The following AQR variants were observed in gnomAD, a reference collection of about 807,000 sequenced individuals.
AQR encodes RNA helicase aquarius.
AQR carries 61 observed loss-of-function variants against 180.5 expected under a neutral mutation model. The ratio of observed to expected loss-of-function variants is 0.34; its 90% CI spans 0.28 to 0.42. AQR has a LOEUF of 0.42. Among genes scored for constraint, AQR ranks in the 10% least tolerant of loss-of-function variants. The pLI, the probability that AQR is intolerant of heterozygous loss-of-function variation, is 1.00. For missense variants in AQR, 1,281 were observed against 1,798.3 expected, an observed-to-expected ratio of 0.71 and a Z score of 5.20; for synonymous variants, 551 against 588.8, an observed-to-expected ratio of 0.94 and a Z score of 0.93.
chr15:34,858,290 AT>A lies in AQR; in HGVS notation c.4144-1185del, dbSNP rs1316563765. Reference sequence around the variant, plus strand: ...TAAGCCACCGCGCCTGGCCTTTAAGATTTTTAAAAAGTACCGTGCACGACAG... The same window carrying A: ...TAAGCCACCGCGCCTGGCCTTTAAGATTTTAAAAAGTACCGTGCACGACAG... On this transcript the variant is annotated intron_variant, in intron 34 of 34. Coordinates refer to ENST00000156471, the MANE Select transcript of AQR (RefSeq NM_014691.3). Among the ~76,000 whole-genome samples, 7 of 146,094 alleles carry A rather than the reference AT, an allele frequency of 4.8e-5. No individual in the cohort carries two copies. The East Asian group carries it at 1.5e-3, about 31-fold the overall frequency.
chr15:34,924,713 G>A (rs973628571), intron 13 of AQR, among the ~76,000 whole-genome samples: 2 of 152,068 alleles, frequency 1.3e-5, no homozygotes, highest in African/African-American at 4.8e-5. Flanking sequence ...TTATAGGCGT[G>A]AGCTACCACA....
chr15:34,896,809 A>T, intron 22 of AQR, 88 bp downstream of exon 22: 1 of 1,160,518 alleles, frequency 8.6e-7, no homozygotes. Context: ...AGATCGCGCC[A>T]CTGCACTCCG....
At chr15:34,919,820 C>T (rs958315681) in intron 14 of AQR, among the ~76,000 whole-genome samples, 18 of 151,932 alleles carry the variant, frequency 1.2e-4, no homozygotes, top group Non-Finnish European at 4.4e-5. Flanking sequence ...ATCACTTGAA[C>T]CTGGGAGGCA....
chr15:34,882,528 G>T lies in AQR; in HGVS notation c.3139C>A (p.His1047Asn). The T allele has an allele frequency of 6.3e-7, 1 of 1,586,908 alleles. No homozygotes were observed. Among genetic ancestry groups the T allele is most frequent in the South Asian group, 1.2e-5 (1 of 85,584 alleles). Residue 1047 changes from histidine to asparagine, a missense_variant, in exon 27 of 35, where the codon CAT becomes AAT. His to Asn is a moderately conservative substitution (Grantham distance 68). Coordinates refer to ENST00000156471, the MANE Select transcript of AQR (RefSeq NM_014691.3). ...MTCTHAALKR[H>N]DLVKLGFKYD... ...TTGAAACCTAGCTTGACCAAGTCAT[G>T]TCGTTTTAAGGCAGCATGAGTACAG...
At chr15:34,916,450 A>T (rs1002061604) in intron 15 of AQR, among the ~76,000 whole-genome samples, 36 of 152,202 alleles carry the variant, frequency 2.4e-4, no homozygotes, top group Non-Finnish European at 4.9e-4. Flanking sequence ...ACCAAAAAAA[A>T]AAATAAACTT....
intron 26 of AQR, 84 bp downstream of exon 26, chr15:34,884,441 G>T: frequency 8.5e-7 from 1 of 1,170,116 alleles, no homozygotes; most frequent in Non-Finnish European, 1.2e-6. Context: ...CAAAAGATTT[G>T]AATATTTCAC....
At chr15:34,950,846 GTATCTT>G (rs1595809089) in intron 4 of AQR, among the ~76,000 whole-genome samples, 2 of 152,124 alleles carry the variant, frequency 1.3e-5, no homozygotes, top group East Asian at 3.9e-4. Flanking sequence ...TGCTTCCAGA[GTATCTT>G]TATAACTGTT....
Position 34,927,051 on chromosome 15 carries a change from A to C in AQR, c.1102T>G (p.Phe368Val), listed in dbSNP as rs760849016. 3.0e-5 allele frequency: 48 copies of C among 1,586,146 alleles called. No homozygotes were observed. The highest frequency in any genetic ancestry group is 4.1e-5 in the Non-Finnish European group (48 of 1,166,086). Residue 368 changes from phenylalanine (F) to valine (V), a missense_variant, in exon 13 of 35, where the codon TTT (phenylalanine) becomes GTT (valine). By Grantham distance (50) the Phe-to-Val change is conservative. Transcript: ENST00000156471. ...EVDTRESLVK[F>V]FGPLSSNTLH... ...TTGTCTTACCTAAGAGGTCCAAAAA[A>C]CTTGACCAAGGACTCCCGAGTATCT...
chr15:34,881,379 AT>A (rs1892971019), intron 27 of AQR, among the ~76,000 whole-genome samples: 3 of 152,196 alleles, frequency 2.0e-5, no homozygotes, highest in Non-Finnish European at 4.4e-5. Flanking sequence ...AGCTCACAAC[AT>A]TTTAAAATTG....
chr15:34,871,605 T>A (rs1261301047), intron 30 of AQR, among the ~76,000 whole-genome samples: 2 of 150,670 alleles, frequency 1.3e-5, no homozygotes, highest in Non-Finnish European at 3.0e-5. Context: ...GCCAATACAA[T>A]ACCCAGTTTA....
At chr15:34,864,384 C>G (rs16959959) in intron 32 of AQR, among the ~76,000 whole-genome samples, 1 of 152,008 alleles carries the variant, frequency 6.6e-6, no homozygotes, top group Non-Finnish European at 1.5e-5. Context: ...TTACAGAAAC[C>G]TTGAGGAATC....
intron 23 of AQR, among the ~76,000 whole-genome samples, chr15:34,893,106 T>C (rs949545723): frequency 6.6e-6 from 1 of 152,218 alleles, no homozygotes; most frequent in Non-Finnish European, 1.5e-5. Flanking sequence ...TGCTCAATGC[T>C]GCAAGGAAGA....
intron 11 of AQR, 84 bp downstream of exon 11, chr15:34,932,233 GC>G: frequency 9.0e-7 from 1 of 1,110,828 alleles, no homozygotes; most frequent in East Asian, 2.4e-5. Context: ...TTTGTGTTAT[GC>G]CCTGATACTC....
intron 16 of AQR, among the ~76,000 whole-genome samples, chr15:34,914,280 G>C (rs766754779): frequency 7.2e-5 from 11 of 152,180 alleles, no homozygotes; most frequent in Non-Finnish European, 1.3e-4. Context: ...AAGAGCATTT[G>C]CCTCAAGTCA....
chr15:34,860,198 C>G, intron 33 of AQR, 43 bp from the exon 34 acceptor site: 1 of 1,036,888 alleles, frequency 9.6e-7, no homozygotes, highest in South Asian at 2.0e-5. Flanking sequence ...AGTAAAACAA[C>G]CCTAGAAGGT....
rs749208057 is a variant in AQR, at chr15:34,904,452, A to G, written c.1885T>C (p.Leu629=). The G allele has an allele frequency of 1.2e-6, 2 of 1,612,458 alleles. No homozygotes were observed. The highest frequency in any genetic ancestry group is 4.5e-5 in the East Asian group (2 of 44,740). ...RGESRTFRVF[L]DPNQYQQDMT... is the part of the protein sequence containing the mutation. ...TCTTGTTGATACTGGTTTGGATCCA[A>G]AAACACTCTAAATGTCCTTGATTCT... The change falls in exon 19 of 35, where the codon TTG becomes CTG. Residue 629 remains leucine (L), a synonymous_variant. Transcript: ENST00000156471.
At chr15:34,874,461 CTTAAA>C in intron 29 of AQR, 1 of 514,906 alleles carries the variant, frequency 1.9e-6, no homozygotes, top group Non-Finnish European at 3.4e-6. Flanking sequence ...TTATAAGTTA[CTTAAA>C]TTAATATTAA....
At chr15:34,867,636 T>C (rs200935387) in intron 31 of AQR, 27 bp from the exon 32 acceptor site, 3 of 1,567,988 alleles carry the variant, frequency 1.9e-6, no homozygotes, top group African/African-American at 2.7e-5. Flanking sequence ...GAAAATATGG[T>C]GCATTTGCAA....
In AQR at chr15:34,856,862, C is replaced by G. The variant is rs779048059; in HGVS notation, c.4388G>C (p.Gly1463Ala). ...ALSETTPTVV[G>A]AVSAPAEANT... ...AGCTTCTGCCGGTGCAGATACAGCT[C>G]CTACCACAGTAGGGGTGGTCTCAGA... Residue 1463 changes from glycine to alanine, a missense_variant, in exon 35 of 35, where the codon GGA (glycine) becomes GCA (alanine). By Grantham distance (60) the Gly-to-Ala change is moderately conservative. Around this residue, in one of 9 missense-constraint regions of AQR, gnomAD observed 182 missense variants for 185.3 expected, o/e 0.98. Transcript: ENST00000156471. 6.2e-7 allele frequency: 1 copy of G among 1,612,128 alleles called. No individual in the cohort carries two copies. Among genetic ancestry groups the G allele is most frequent in the Non-Finnish European group, 8.5e-7 (1 of 1,179,082 alleles).
Sources: gnomAD v4.1 joint callset for allele counts (sites outside exome capture counted in the v4.1 genomes callset) on GRCh38, gnomAD v4.1.1 for gene constraint, gnomAD v4.1.1 regional missense constraint, MANE v1.5 for transcripts, NCBI Gene and HGNC (gene_info 2026-07-23, HGNC 2026-07-21) for gene names.